The following GALNT14 variants were observed in gnomAD, a reference collection of about 807,000 sequenced individuals.
GALNT14 encodes polypeptide N-acetylgalactosaminyltransferase 14.
GALNT14 carries 60 observed loss-of-function variants against 77.5 expected under a neutral mutation model. That is an observed-to-expected ratio of 0.77 (90% CI 0.63 to 0.96). The LOEUF is 0.96. Among genes scored for constraint, GALNT14 ranks in the 40% least tolerant of loss-of-function variants. The pLI is 0.00. For synonymous variants in GALNT14, 280 were observed against 281.7 expected (o/e 0.99, Z 0.06); for missense variants, 710 against 731.0 (o/e 0.97, Z 0.33).
At chr2:31,061,070 C>T (rs1286184296) in intron 1 of GALNT14, among the ~76,000 whole-genome samples, 1 of 152,150 alleles carries the variant, frequency 6.6e-6, no homozygotes, top group Non-Finnish European at 1.5e-5. Context: ...CCTGGATCAT[C>T]CAGCCACAGC....
At chr2:31,132,062 C>T (rs1679021567) in intron 1 of GALNT14, among the ~76,000 whole-genome samples, 1 of 152,314 alleles carries the variant, frequency 6.6e-6, no homozygotes, top group East Asian at 1.9e-4. Context: ...CCCAGCCTGA[C>T]TAAAAGAGAT....
At chr2:30,913,848 A>C (rs992585005) in intron 13 of GALNT14, among the ~76,000 whole-genome samples, 1 of 152,226 alleles carries the variant, frequency 6.6e-6, no homozygotes, top group African/African-American at 2.4e-5. Flanking sequence ...CAATGGGTAC[A>C]TGGGCGTTCT....
intron 13 of GALNT14, among the ~76,000 whole-genome samples, chr2:30,917,770 C>T (rs768185409): frequency 3.9e-5 from 6 of 152,208 alleles, no homozygotes; most frequent in Non-Finnish European, 7.3e-5. Flanking sequence ...AGAAGCAGAC[C>T]CCAGGGTTGA....
intron 1 of GALNT14, among the ~76,000 whole-genome samples, chr2:31,047,270 A>C (rs1673525543): frequency 6.6e-6 from 1 of 152,188 alleles, no homozygotes; most frequent in African/African-American, 2.4e-5. Context: ...GGAAGTAGGA[A>C]ACCCCTGACA....
At chr2:31,053,699 G>A in intron 1 of GALNT14, among the ~76,000 whole-genome samples, 1 of 152,102 alleles carries the variant, frequency 6.6e-6, no homozygotes, top group East Asian at 1.9e-4. Context: ...TTCTCCTATT[G>A]CTGCTTCCCA....
intron 1 of GALNT14, among the ~76,000 whole-genome samples, chr2:31,053,257 A>T (rs564436789): frequency 2.0e-5 from 3 of 152,102 alleles, no homozygotes; most frequent in African/African-American, 7.2e-5. Flanking sequence ...CTGTACCCCA[A>T]CATAATAGGT....
At chr2:30,995,887 G>A (rs1210976334) in intron 1 of GALNT14, among the ~76,000 whole-genome samples, 1 of 152,182 alleles carries the variant, frequency 6.6e-6, no homozygotes, top group Non-Finnish European at 1.5e-5. Context: ...ATGTGATTAT[G>A]GAGGCTGACA....
Position 30,932,166 on chromosome 2 carries a change from C to A in GALNT14, c.960G>T (p.Gly320=). The stretch of plus-strand genomic sequence containing the variant: ...TGCAGGGGACGATCTCTAGGCTGCC[C>A]CCGCACATCCACACTCGGAAGGAGA... The part of the protein sequence containing the change: ...FEISFRVWMC[G]GSLEIVPCSR... Residue 320 remains glycine (G), a synonymous_variant, in exon 10 of 15, where the codon GGG becomes GGT. Coordinates refer to ENST00000349752, the MANE Select transcript of GALNT14 (RefSeq NM_024572.4). The A allele has an allele frequency of 6.5e-7, 1 of 1,543,298 alleles. No individual in the cohort carries two copies.
the GALNT14 span, among the ~76,000 whole-genome samples, chr2:30,904,765 GACAA>G: frequency 6.6e-6 from 1 of 152,252 alleles, no homozygotes; most frequent in Non-Finnish European, 1.5e-5. Flanking sequence ...GCAGGGCACA[GACAA>G]ACAAAAAGAC....
intron 1 of GALNT14, among the ~76,000 whole-genome samples, chr2:31,088,482 G>C (rs1291382649): frequency 6.6e-6 from 1 of 152,158 alleles, no homozygotes; most frequent in African/African-American, 2.4e-5. Context: ...TTCTTTGTGA[G>C]AACATGTCTT....
intron 2 of GALNT14, among the ~76,000 whole-genome samples, chr2:30,988,823 C>G (rs888406483): frequency 1.3e-5 from 2 of 152,136 alleles, no homozygotes; most frequent in Admixed American, 6.5e-5. Context: ...CTGGGTGAAA[C>G]CTAAGAGTTT....
chr2:31,120,860 A>T (rs1678375650), intron 1 of GALNT14, among the ~76,000 whole-genome samples: 1 of 152,316 alleles, frequency 6.6e-6, no homozygotes, highest in East Asian at 1.9e-4. Context: ...CCAGCCATGG[A>T]CACAATTTTG....
At chr2:31,128,767 G>A (rs536179555) in intron 1 of GALNT14, among the ~76,000 whole-genome samples, 58 of 152,272 alleles carry the variant, frequency 3.8e-4, no homozygotes, top group African/African-American at 1.3e-3. Context: ...CGAGTCTGCC[G>A]TTACAGTCCC....
intron 2 of GALNT14, among the ~76,000 whole-genome samples, chr2:30,971,754 A>C: frequency 6.9e-6 from 1 of 145,656 alleles, no homozygotes; most frequent in African/African-American, 2.6e-5. Flanking sequence ...CCCCCACAAC[A>C]CCCCCCACCC....
intron 1 of GALNT14, among the ~76,000 whole-genome samples, chr2:31,103,267 C>T (rs1195832920): frequency 6.6e-6 from 1 of 152,048 alleles, no homozygotes; most frequent in Non-Finnish European, 1.5e-5. Flanking sequence ...TTCGTAATTA[C>T]AACATGATAT....
intron 1 of GALNT14, among the ~76,000 whole-genome samples, chr2:31,081,553 G>A (rs1022226445): frequency 6.6e-6 from 1 of 152,174 alleles, no homozygotes; most frequent in Non-Finnish European, 1.5e-5. Flanking sequence ...TACACTTACA[G>A]CAAAAAATAG....
intron 1 of GALNT14, among the ~76,000 whole-genome samples, chr2:31,082,699 T>G (rs1178497809): frequency 6.6e-6 from 1 of 152,110 alleles, no homozygotes; most frequent in East Asian, 1.9e-4. Context: ...ATGATAATGA[T>G]GATGATAAAA....
At chr2:30,988,251 T>C (rs931653257) in intron 2 of GALNT14, among the ~76,000 whole-genome samples, 3 of 152,208 alleles carry the variant, frequency 2.0e-5, no homozygotes, top group African/African-American at 7.2e-5. Context: ...AGAGGGCAAC[T>C]GATATCAGTA....
At chr2:31,122,908 G>A (rs551019985) in intron 1 of GALNT14, among the ~76,000 whole-genome samples, 30 of 152,320 alleles carry the variant, frequency 2.0e-4, no homozygotes, top group Non-Finnish European at 3.8e-4. Context: ...TGGGCCGGGT[G>A]CTGTGGCTTA....
Sources: gnomAD v4.1 joint callset for allele counts (sites outside exome capture counted in the v4.1 genomes callset) on GRCh38, gnomAD v4.1.1 for gene constraint, MANE v1.5 for transcripts, NCBI Gene and HGNC (gene_info 2026-07-23, HGNC 2026-07-21) for gene names.